The following VGLL4 variants were observed in gnomAD, a reference collection of about 807,000 sequenced individuals.
VGLL4 encodes transcription cofactor vestigial-like protein 4.
A neutral mutation model predicts 21.0 loss-of-function variants in VGLL4; 7 were observed. The observed-to-expected ratio is 0.33, with a 90% CI of 0.19 to 0.63. The LOEUF is 0.63. VGLL4 is among the 20% of genes least tolerant of loss of function. The pLI is 0.78. For missense variants in VGLL4, 394 were observed against 425.7 expected, an observed-to-expected ratio of 0.93 and a Z score of 0.66; for synonymous variants, 222 against 173.2, an observed-to-expected ratio of 1.28 and a Z score of -2.21.
chr3:11,675,398 T>C (rs115817124), intron 2 of VGLL4, among the ~76,000 whole-genome samples: 1 of 152,112 alleles, frequency 6.6e-6, no homozygotes, highest in East Asian at 1.9e-4. Context: ...AGAACAGGCA[T>C]GAACTATGCG....
intron 1 of VGLL4, among the ~76,000 whole-genome samples, chr3:11,626,734 G>A (rs1448212499): frequency 1.3e-5 from 2 of 152,190 alleles, no homozygotes; most frequent in African/African-American, 4.8e-5. Context: ...TACTCCATGT[G>A]ATATAAATGG....
chr3:11,640,348 G>C (rs1387581106), intron 1 of VGLL4, among the ~76,000 whole-genome samples: 1 of 152,096 alleles, frequency 6.6e-6, no homozygotes, highest in Non-Finnish European at 1.5e-5. Context: ...AAAAAATGAG[G>C]GCTGGGGTTG....
intron 1 of VGLL4, among the ~76,000 whole-genome samples, chr3:11,609,189 C>T (rs147319263): frequency 1.3e-5 from 2 of 152,222 alleles, no homozygotes; most frequent in South Asian, 4.1e-4. Flanking sequence ...TCTTTACTCA[C>T]AAAATTAAGT....
chr3:11,703,981 C>T (rs973362541), intron 1 of VGLL4, among the ~76,000 whole-genome samples: 15 of 152,230 alleles, frequency 9.9e-5, no homozygotes, highest in South Asian at 2.1e-4. Context: ...TGGTAGCTCA[C>T]GCCTGTAATC....
chr3:11,589,458 T>G (rs114107774), intron 2 of VGLL4, among the ~76,000 whole-genome samples: 1,760 of 152,248 alleles, frequency 0.012, 36 homozygotes, highest in East Asian at 0.067. Flanking sequence ...TACTTAAACT[T>G]TACAGCACCA....
chr3:11,643,705 C>A lies in VGLL4; in HGVS notation c.-187G>T. On this transcript the variant is annotated 5_prime_UTR_variant, in exon 1 of 5. Coordinates refer to ENST00000430365, the MANE Select transcript of VGLL4 (RefSeq NM_001128219.3). ...AAATCAGGCACAAAAAAATCGAGCTCACACGAAACCCTTCAAGGGCTTACT... is the reference window on the plus strand; with the variant it reads ...AAATCAGGCACAAAAAAATCGAGCTAACACGAAACCCTTCAAGGGCTTACT... The A allele has an allele frequency of 2.7e-5, 39 of 1,421,946 alleles. No individual in the cohort carries two copies. The highest frequency in any genetic ancestry group is 3.5e-5 in the Non-Finnish European group (38 of 1,094,114). The allele number at this position is 1,421,946 out of a possible 1,614,324, so 88.1% of individuals were successfully genotyped here.
At chr3:11,676,341 T>A (rs1417765061) in intron 2 of VGLL4, among the ~76,000 whole-genome samples, 1 of 150,968 alleles carries the variant, frequency 6.6e-6, no homozygotes, top group African/African-American at 2.4e-5. Context: ...GAGCCGAGAT[T>A]GCACCACTGC....
At position 11,713,162 on chromosome 3, in the gene VGLL4, C is replaced by T. The variant is rs944840643; in HGVS notation, c.-14+7232G>A. Among the ~76,000 whole-genome samples the T allele has an allele frequency of 4.6e-5, 7 of 152,310 alleles. No homozygotes were observed. The South Asian group carries it at 8.3e-4, about 18-fold the overall frequency. On this transcript the variant is annotated intron_variant, in intron 1 of 5. Transcript: ENST00000273038. ...AGGAAGACCTGTGGTCAAGCTCCAA[C>T]GGCTAACTGTTAAGGTTCAGTGAGA...
chr3:11,597,630 T>C (rs775056293), intron 2 of VGLL4, among the ~76,000 whole-genome samples: 5 of 151,808 alleles, frequency 3.3e-5, no homozygotes, highest in Admixed American at 6.6e-5. Context: ...TCCTTCATCA[T>C]GATTGTGTCC....
At chr3:11,641,076 C>CAT (rs2125329453) in intron 1 of VGLL4, among the ~76,000 whole-genome samples, 1 of 147,028 alleles carries the variant, frequency 6.8e-6, no homozygotes, top group East Asian at 2.0e-4. Context: ...AAGATCGCGC[C>CAT]ATTGCACTCC....
At chr3:11,673,260 T>C (rs897303772) in intron 2 of VGLL4, among the ~76,000 whole-genome samples, 1 of 152,020 alleles carries the variant, frequency 6.6e-6, no homozygotes, top group African/African-American at 2.4e-5. Context: ...TATATATATA[T>C]ACCAAGTACC....
At chr3:11,586,521 G>T (rs1449766743) in intron 2 of VGLL4, among the ~76,000 whole-genome samples, 1 of 152,094 alleles carries the variant, frequency 6.6e-6, no homozygotes, top group African/African-American at 2.4e-5. Flanking sequence ...GGCCTCTGAT[G>T]GTACAGACTT....
chr3:11,631,296 G>C (rs2075471901), intron 1 of VGLL4, among the ~76,000 whole-genome samples: 1 of 152,144 alleles, frequency 6.6e-6, no homozygotes, highest in Non-Finnish European at 1.5e-5. Flanking sequence ...CAATCAAAAA[G>C]ACTATTAACA....
intron 2 of VGLL4, among the ~76,000 whole-genome samples, chr3:11,679,252 C>T (rs1333641455): frequency 6.6e-6 from 1 of 151,992 alleles, no homozygotes; most frequent in Non-Finnish European, 1.5e-5. Flanking sequence ...GAAGACCTTC[C>T]AGTGGGACAA....
Position 11,693,156 on chromosome 3 carries a change from G to C in VGLL4, c.64+9815C>G, listed in dbSNP as rs1316335370. On this transcript the variant is annotated intron_variant, in intron 2 of 5. Coordinates refer to the VGLL4 transcript ENST00000273038. ...ACTATACTCCAGTCTGGGCAACAGA[G>C]CAAGACCCTGTCTCAAAAAAAAAAA... 2.5e-5 allele frequency: 5 copies of C among 203,732 alleles called. No homozygotes were observed. In the South Asian group the frequency reaches 2.9e-4, roughly 12 times the overall value. The allele number at this position is 203,732 out of a possible 1,614,324, so 12.6% of individuals were successfully genotyped here. A position where few individuals can be genotyped will look rare whatever the true frequency, so the allele number is the denominator to read the frequency against.
At position 11,568,922 on chromosome 3, in the gene VGLL4, A is replaced by T; in HGVS notation, c.273-3903T>A. 1.6e-6 allele frequency: 2 copies of T among 1,261,142 alleles called. No individual in the cohort carries two copies. The highest frequency in any genetic ancestry group is 2.0e-6 in the Non-Finnish European group (2 of 997,168). The allele number at this position is 1,261,142 out of a possible 1,614,324, so 78.1% of individuals were successfully genotyped here. A position where few individuals can be genotyped will look rare whatever the true frequency, so the allele number is the denominator to read the frequency against. On this transcript the variant is annotated intron_variant, in intron 2 of 4. Coordinates refer to ENST00000430365, the MANE Select transcript of VGLL4 (RefSeq NM_001128219.3). The surrounding 1 kb of genome is among the most constrained non-coding windows in gnomAD (Gnocchi z 5.9). ...GGCCTCATCCCCATCCTAGGCGGGCACTTCCACTGCCAGCTGCCCACGGAG... is the reference window on the plus strand; with the variant it reads ...GGCCTCATCCCCATCCTAGGCGGGCTCTTCCACTGCCAGCTGCCCACGGAG...
intron 1 of VGLL4, among the ~76,000 whole-genome samples, chr3:11,643,211 T>G (rs986742339): frequency 1.3e-5 from 2 of 152,198 alleles, no homozygotes; most frequent in Non-Finnish European, 2.9e-5. Flanking sequence ...GAGCAAACTT[T>G]GAAGGGTTTC....
intron 2 of VGLL4, among the ~76,000 whole-genome samples, chr3:11,672,264 A>G (rs963368569): frequency 6.6e-6 from 1 of 152,264 alleles, no homozygotes; most frequent in Admixed American, 6.5e-5. Context: ...GTCAATTTCA[A>G]ATGAATTCAC....
chr3:11,661,473 T>C (rs150719845), intron 2 of VGLL4, among the ~76,000 whole-genome samples: 18 of 71,270 alleles, frequency 2.5e-4, no homozygotes, highest in African/African-American at 7.6e-4. Flanking sequence ...ATCTATTTAT[T>C]TATTTATTTA....
Sources: allele counts gnomAD v4.1 joint callset (sites outside exome capture counted in the v4.1 genomes callset), GRCh38; gene constraint gnomAD v4.1.1; non-coding constraint Gnocchi (gnomAD v3.1); transcripts MANE v1.5; gene names NCBI Gene and HGNC (gene_info 2026-07-23, HGNC 2026-07-21).